The following VRK1 variants were observed in gnomAD, a reference collection of about 807,000 sequenced individuals.
The protein encoded by VRK1 is VRK serine/threonine kinase 1.
Under a neutral mutation model 57.1 loss-of-function variants are expected in VRK1, and 33 were observed. The ratio of observed to expected loss-of-function variants is 0.58; its 90% CI spans 0.44 to 0.77. The LOEUF is 0.77. Among genes scored for constraint, VRK1 ranks in the 30% least tolerant of loss-of-function variants. The pLI is 0.00. For synonymous variants in VRK1, 137 were observed against 147.8 expected (o/e 0.93, Z 0.53); for missense variants, 413 against 477.3 (o/e 0.87, Z 1.25).
intron 1 of VRK1, among the ~76,000 whole-genome samples, chr14:96,823,992 G>A (rs9323953): frequency 0.11 from 17,096 of 152,190 alleles, 1,494 homozygotes; most frequent in African/African-American, 0.24. Flanking sequence ...GCACATGGGT[G>A]TACAGATACC....
chr14:96,841,745 G>A (rs1887469859), intron 3 of VRK1, among the ~76,000 whole-genome samples: 1 of 151,610 alleles, frequency 6.6e-6, no homozygotes, highest in Non-Finnish European at 1.5e-5. Flanking sequence ...TGAGGCAGGA[G>A]AATCACTTGA....
At chr14:96,813,155 A>G (rs1212507846) in intron 1 of VRK1, among the ~76,000 whole-genome samples, 1 of 152,260 alleles carries the variant, frequency 6.6e-6, no homozygotes, top group Non-Finnish European at 1.5e-5. Flanking sequence ...TGACATATAC[A>G]TAACTAATGG....
intron 1 of VRK1, among the ~76,000 whole-genome samples, chr14:96,818,202 C>T (rs1302707758): frequency 2.0e-5 from 3 of 152,170 alleles, no homozygotes; most frequent in Non-Finnish European, 4.4e-5. Context: ...ACTGTGCATT[C>T]TCAGTTGAAA....
intron 1 of VRK1, among the ~76,000 whole-genome samples, chr14:96,831,477 G>C (rs556855347): frequency 2.0e-5 from 3 of 152,272 alleles, no homozygotes; most frequent in Admixed American, 2.0e-4. Context: ...TTTTAGGAAA[G>C]AAAGTCATTC....
intron 2 of VRK1, among the ~76,000 whole-genome samples, chr14:96,836,643 C>T (rs1329052484): frequency 6.6e-6 from 1 of 151,562 alleles, no homozygotes; most frequent in Non-Finnish European, 1.5e-5. Flanking sequence ...CCACCTCAGC[C>T]TCCCGAAGTA....
At chr14:96,866,036 G>A (rs569837892) in intron 11 of VRK1, among the ~76,000 whole-genome samples, 3 of 152,124 alleles carry the variant, frequency 2.0e-5, no homozygotes, top group African/African-American at 7.2e-5. Context: ...TTCTTTCAGA[G>A]GTGGAGTCTT....
At chr14:96,809,754 G>A (rs1886099513) in intron 1 of VRK1, among the ~76,000 whole-genome samples, 2 of 151,812 alleles carry the variant, frequency 1.3e-5, no homozygotes, top group African/African-American at 4.8e-5. Flanking sequence ...TGTATTTTTA[G>A]TAGAGACAGG....
At chr14:96,825,319 A>C (rs1474574490) in intron 1 of VRK1, among the ~76,000 whole-genome samples, 1 of 152,204 alleles carries the variant, frequency 6.6e-6, no homozygotes, top group African/African-American at 2.4e-5. Flanking sequence ...TAGAGTTTTG[A>C]GGAAGAATAA....
intron 11 of VRK1, among the ~76,000 whole-genome samples, chr14:96,864,654 T>C (rs1005576480): frequency 6.6e-5 from 10 of 152,144 alleles, no homozygotes; most frequent in Non-Finnish European, 1.2e-4. Flanking sequence ...GGCTTACTTA[T>C]GTTGAGGGTT....
At chr14:96,805,242 T>C (rs1885824661) in intron 1 of VRK1, among the ~76,000 whole-genome samples, 1 of 152,198 alleles carries the variant, frequency 6.6e-6, no homozygotes. Flanking sequence ...TAAGAACAAA[T>C]GGCTCAAATT....
intron 1 of VRK1, among the ~76,000 whole-genome samples, chr14:96,825,126 TAGG>T (rs1886752046): frequency 6.6e-6 from 1 of 152,154 alleles, no homozygotes; most frequent in Middle Eastern, 3.4e-3. Context: ...TGATGTTTGA[TAGG>T]AGGAGGATAG....
At chr14:96,835,265 T>A (rs994171478) in intron 2 of VRK1, among the ~76,000 whole-genome samples, 1 of 152,320 alleles carries the variant, frequency 6.6e-6, no homozygotes, top group South Asian at 2.1e-4. Context: ...GAATTTTCTT[T>A]GCATTTTCTT....
chr14:96,830,208 G>A (rs1886951341), intron 1 of VRK1, among the ~76,000 whole-genome samples: 1 of 152,106 alleles, frequency 6.6e-6, no homozygotes, highest in Non-Finnish European at 1.5e-5. Context: ...TTTTTCAAAT[G>A]TATGTGATAT....
rs1367455730 is a variant in VRK1, at chr14:96,855,717, A to AGTTTATTT, written c.709+361_709+362insGTTTATTT. Among the ~76,000 whole-genome samples the AGTTTATTT allele has an allele frequency of 4.6e-5, 7 of 152,096 alleles. No homozygotes were observed. In the East Asian group the frequency reaches 1.2e-3, roughly 25 times the overall value. ...TGTAACAGCTAACTTTTATTTTGTT[A>AGTTTATTT]CCTGTTAAGTTAGTTTATTTCTTCA... On this transcript the variant is annotated intron_variant, in intron 8 of 12. Transcript: ENST00000216639.
At chr14:96,873,091 G>GTA (rs1162253693) in intron 11 of VRK1, among the ~76,000 whole-genome samples, 1 of 152,158 alleles carries the variant, frequency 6.6e-6, no homozygotes, top group Non-Finnish European at 1.5e-5. Context: ...CACTGCCCGA[G>GTA]TACGCATCTC....
Position 96,852,614 on chromosome 14 carries a change from A to G in VRK1, c.375-217A>G, listed in dbSNP as rs529584600. 4.6e-5 allele frequency among the ~76,000 whole-genome samples: 7 copies of G among 152,350 alleles called. No homozygotes were observed. The East Asian group carries it at 7.7e-4, about 17-fold the overall frequency. On this transcript the variant is annotated intron_variant, in intron 5 of 12. Transcript: ENST00000216639. ...TAGTCTCTTGAAACTAGCTGCGACC[A>G]GGAAGAGGCCCTCCAGGTAAAAAGC...
At chr14:96,875,908 G>T in intron 11 of VRK1, 122 bp from the exon 12 acceptor site, 1 of 1,007,504 alleles carries the variant, frequency 9.9e-7, no homozygotes, top group South Asian at 1.3e-5. Flanking sequence ...TATTCTTCCT[G>T]TGTGTTTTGA....
At chr14:96,818,322 C>A (rs919426504) in intron 1 of VRK1, among the ~76,000 whole-genome samples, 3 of 152,142 alleles carry the variant, frequency 2.0e-5, no homozygotes, top group African/African-American at 7.2e-5. Context: ...ACTCACTATA[C>A]CAAAACATTT....
intron 1 of VRK1, among the ~76,000 whole-genome samples, chr14:96,826,060 T>C (rs77364991): frequency 0.048 from 7,246 of 152,242 alleles, 194 homozygotes; most frequent in Non-Finnish European, 0.063. Flanking sequence ...AAAAAAAAAT[T>C]CCAAATTTGA....
Sources: gnomAD v4.1 joint callset for allele counts (sites outside exome capture counted in the v4.1 genomes callset) on GRCh38, gnomAD v4.1.1 for gene constraint, MANE v1.5 for transcripts, NCBI Gene and HGNC (gene_info 2026-07-23, HGNC 2026-07-21) for gene names.